Variants in SLC25A12 observed in about 807,000 individuals in gnomAD.
SLC25A12 encodes electrogenic aspartate/glutamate antiporter SLC25A12, mitochondrial.
SLC25A12 carries 32 observed loss-of-function variants against 83.3 expected under a neutral mutation model. That is an observed-to-expected ratio of 0.38 (90% CI 0.29 to 0.52). The LOEUF (loss-of-function observed/expected upper bound fraction) is 0.52. Among genes scored for constraint, SLC25A12 ranks in the 20% least tolerant of loss-of-function variants. The pLI, the probability that SLC25A12 is intolerant of heterozygous loss-of-function variation, is 0.84. For synonymous variants in SLC25A12, 267 were observed against 291.1 expected, an observed-to-expected ratio of 0.92 and a Z score of 0.84; for missense variants, 611 against 835.6, an observed-to-expected ratio of 0.73 and a Z score of 3.31.
chr2:171,820,456 C>T (rs779368675), intron 9 of SLC25A12, among the ~76,000 whole-genome samples: 2 of 151,768 alleles, frequency 1.3e-5, no homozygotes, highest in African/African-American at 2.4e-5. Context: ...AGGCCGGGCG[C>T]GGTGGCTCAC....
At chr2:171,850,337 G>GTTT (rs55922545) in intron 4 of SLC25A12, among the ~76,000 whole-genome samples, 2 of 56,164 alleles carry the variant, frequency 3.6e-5, no homozygotes, top group South Asian at 1.0e-3. Context: ...GCTGGTCTTT[G>GTTT]TTTTTTTTTT....
chr2:171,816,552 T>G lies in SLC25A12; in HGVS notation c.931-1350A>C, dbSNP rs149249326. ...GTAAATAGTTGTTATACTGTATTTT[T>G]AAATTTTGTATTTTTTTATTGTTGT... On this transcript the variant is annotated intron_variant, in intron 9 of 17. Transcript: ENST00000422440. 6.9e-3 allele frequency among the ~76,000 whole-genome samples: 1,046 copies of G among 152,306 alleles called. 8 individuals are homozygous for G. Among genetic ancestry groups the G allele is most frequent in the Admixed American group, 0.016 (252 of 15,286 alleles).
At chr2:171,826,377 G>A (rs1034801862) in intron 9 of SLC25A12, among the ~76,000 whole-genome samples, 9 of 152,222 alleles carry the variant, frequency 5.9e-5, no homozygotes, top group Non-Finnish European at 1.0e-4. Flanking sequence ...GGAGGCCGAG[G>A]CAGGTGGATC....
intron 2 of SLC25A12, among the ~76,000 whole-genome samples, chr2:171,873,253 C>T (rs144706244): frequency 0.017 from 2,566 of 152,164 alleles, 83 homozygotes; most frequent in African/African-American, 0.059. Context: ...TCGAGGCCAT[C>T]CTGGCTAACA....
chr2:171,868,646 A>G, intron 3 of SLC25A12, 35 bp downstream of exon 3: 1 of 1,604,034 alleles, frequency 6.2e-7, no homozygotes, highest in Non-Finnish European at 8.5e-7. Flanking sequence ...ATATTCCAGA[A>G]CATTAGTTTT....
intron 2 of SLC25A12, among the ~76,000 whole-genome samples, chr2:171,884,045 CTTTTTTTTT>C (rs752910386): frequency 1.5e-5 from 2 of 136,420 alleles, no homozygotes; most frequent in Non-Finnish European, 3.2e-5. Context: ...TCTTTTTTAT[CTTTTTTTTT>C]TTTTTTGTAG....
In SLC25A12 at chr2:171,800,323, T is replaced by TCACACA. The variant is rs60362750; in HGVS notation, c.1306-6562_1306-6557dup. 2.2e-3 allele frequency among the ~76,000 whole-genome samples: 333 copies of TCACACA among 149,526 alleles called. 1 individual carries two copies. Among genetic ancestry groups the TCACACA allele is most frequent in the East Asian group, 0.014 (70 of 5,122 alleles). ...TACGCAAAAGACTTGAACAGATACTTCACACACACACACACACACACACAC... is the reference window on the plus strand; with the variant it reads ...TACGCAAAAGACTTGAACAGATACTTCACACACACACACACACACACACACACACAC... On this transcript the variant is annotated intron_variant, in intron 13 of 17. Coordinates refer to ENST00000422440, the MANE Select transcript of SLC25A12 (RefSeq NM_003705.5).
intron 8 of SLC25A12, among the ~76,000 whole-genome samples, chr2:171,829,087 C>T (rs1205381677): frequency 6.6e-6 from 1 of 152,228 alleles, no homozygotes; most frequent in Non-Finnish European, 1.5e-5. Context: ...ACCTGATTCC[C>T]CACTTGGCTG....
intron 2 of SLC25A12, among the ~76,000 whole-genome samples, chr2:171,873,521 A>C (rs1029976743): frequency 2.0e-5 from 3 of 152,214 alleles, no homozygotes; most frequent in African/African-American, 4.8e-5. Flanking sequence ...ATGAAAAAGA[A>C]GACAGTGGGT....
At chr2:171,862,810 G>C (rs1477043171) in intron 3 of SLC25A12, among the ~76,000 whole-genome samples, 2 of 152,212 alleles carry the variant, frequency 1.3e-5, no homozygotes, top group Non-Finnish European at 2.9e-5. Context: ...TTTGGAGCAG[G>C]AAACAACGTA....
chr2:171,893,159 G>GTTTTT, intron 2 of SLC25A12, 46 bp downstream of exon 2: 1 of 1,507,302 alleles, frequency 6.6e-7, no homozygotes, highest in Admixed American at 1.7e-5. Flanking sequence ...GGACATGTAC[G>GTTTTT]TTTTTTGTTT....
intron 2 of SLC25A12, among the ~76,000 whole-genome samples, chr2:171,889,655 C>T (rs1382272409): frequency 2.0e-5 from 3 of 152,126 alleles, no homozygotes; most frequent in Non-Finnish European, 4.4e-5. Flanking sequence ...AATTTCATCA[C>T]CTAAGTAACC....
At chr2:171,820,025 C>T (rs1241246654) in intron 9 of SLC25A12, among the ~76,000 whole-genome samples, 2 of 152,032 alleles carry the variant, frequency 1.3e-5, no homozygotes, top group Non-Finnish European at 1.5e-5. Flanking sequence ...GTGATAAGAG[C>T]TTATTATGAA....
In SLC25A12 at chr2:171,793,695, T is replaced by G; in HGVS notation, c.1378A>C (p.Ile460Leu). The stretch of plus-strand genomic sequence containing the variant: ...GCGCTGACTCTGGGTCCCGTGGTGA[T>G]CTCTCCAGCTACTTGCAGACGAATC... The part of the protein sequence containing the change: ...VKIRLQVAGE[I>L]TTGPRVSALN... The change falls in exon 14 of 18, where the codon ATC becomes CTC. Residue 460 changes from isoleucine to leucine, a missense_variant. Around this residue, in one of 3 missense-constraint regions of SLC25A12, gnomAD observed 540 missense variants for 777.5 expected, o/e 0.69. Transcript: ENST00000422440. 6.2e-7 allele frequency: 1 copy of G among 1,614,142 alleles called. No individual in the cohort carries two copies. Among genetic ancestry groups the G allele is most frequent in the East Asian group, 2.2e-5 (1 of 44,886 alleles).
chr2:171,828,811 G>T (rs557134800), intron 8 of SLC25A12, among the ~76,000 whole-genome samples: 1 of 152,318 alleles, frequency 6.6e-6, no homozygotes, highest in Non-Finnish European at 1.5e-5. Flanking sequence ...GATGCTAGAA[G>T]ACAAGGCCTT....
At chr2:171,860,802 C>G (rs1445589484) in intron 3 of SLC25A12, among the ~76,000 whole-genome samples, 1 of 152,044 alleles carries the variant, frequency 6.6e-6, no homozygotes, top group African/African-American at 2.4e-5. Flanking sequence ...TAGAATCTGG[C>G]CAGGTACAGT....
chr2:171,788,621 A>G (rs1690534411), intron 15 of SLC25A12: 1 of 152,618 alleles, frequency 6.6e-6, no homozygotes, highest in African/African-American at 2.4e-5. Flanking sequence ...GCAGCAGGAC[A>G]CAAAAGATGG....
At position 171,784,931 on chromosome 2, in the gene SLC25A12, G is replaced by A. The variant is rs1690459170; in HGVS notation, c.*343C>T. Reference sequence around the variant, plus strand: ...AGAACCGCATTACATTTCTACAAATGTGATTTGTTGGGATGAGGTGCCAAG... The same window carrying A: ...AGAACCGCATTACATTTCTACAAATATGATTTGTTGGGATGAGGTGCCAAG... On this transcript the variant is annotated 3_prime_UTR_variant, in exon 18 of 18. Transcript: ENST00000422440. The A allele has an allele frequency of 3.4e-6, 1 of 296,972 alleles. No homozygotes were observed. The allele number at this position is 296,972 out of a possible 1,614,324, so 18.4% of individuals were successfully genotyped here. A position where few individuals can be genotyped will look rare whatever the true frequency, so the allele number is the denominator to read the frequency against.
In SLC25A12 at chr2:171,873,739, AAT is replaced by A. The variant is rs1235755680; in HGVS notation, c.67-4918_67-4917del. Among the ~76,000 whole-genome samples, 3 of 152,092 alleles carry A rather than the reference AAT, an allele frequency of 2.0e-5. No individual in the cohort carries two copies. The East Asian group carries it at 5.8e-4, about 29-fold the overall frequency. ...CCATAAACAAGTAAATTATATATAT[AAT>A]GTTAATATATATACATCCAAATATA... On this transcript the variant is annotated intron_variant, in intron 2 of 17. Transcript: ENST00000422440.
Sources: gnomAD v4.1 joint callset for allele counts (sites outside exome capture counted in the v4.1 genomes callset) on GRCh38, gnomAD v4.1.1 for gene constraint, gnomAD v4.1.1 regional missense constraint, MANE v1.5 for transcripts, NCBI Gene and HGNC (gene_info 2026-07-23, HGNC 2026-07-21) for gene names.